Variants in HIVEP1 observed in about 807,000 individuals in gnomAD.
HIVEP1 encodes HIVEP zinc finger 1.
In HIVEP1, 36 loss-of-function variants were observed where a neutral mutation model predicts 180.0. The observed-to-expected ratio is 0.20, with a 90% confidence interval of 0.15 to 0.26. The LOEUF (loss-of-function observed/expected upper bound fraction) is 0.26, where lower values mean the gene tolerates loss of function less well. Among genes scored for constraint, HIVEP1 ranks in the 10% least tolerant of loss-of-function variants. The pLI, the probability that HIVEP1 is intolerant of heterozygous loss-of-function variation, is 1.00. For missense variants in HIVEP1, 3,143 were observed against 3,268.7 expected (o/e 0.96, Z 0.94); for synonymous variants, 1,239 against 1,239.0 (o/e 1.00, Z 0.00).
At chr6:12,040,920 C>T (rs1769642410) in intron 2 of HIVEP1, among the ~76,000 whole-genome samples, 1 of 152,158 alleles carries the variant, frequency 6.6e-6, no homozygotes, top group African/African-American at 2.4e-5. Context: ...AACCAGATCT[C>T]AGGAGAACTC....
chr6:12,090,640 C>T (rs552108257), intron 3 of HIVEP1, among the ~76,000 whole-genome samples: 2 of 151,462 alleles, frequency 1.3e-5, no homozygotes, highest in Admixed American at 1.3e-4. Context: ...CACCTTGTCC[C>T]TTTGAAGGGT....
intron 3 of HIVEP1, among the ~76,000 whole-genome samples, chr6:12,101,479 TCTCACTGGAATTAAGTTAATATAAAC>T (rs1032513600): frequency 3.3e-5 from 5 of 152,000 alleles, no homozygotes; most frequent in African/African-American, 4.8e-5. Flanking sequence ...TGTTGCCACA[TCTCACTGGAATTAAGTTAATATAAAC>T]CTCACTGGAA....
At chr6:12,106,630 T>G (rs1774450690) in intron 3 of HIVEP1, among the ~76,000 whole-genome samples, 2 of 152,220 alleles carry the variant, frequency 1.3e-5, no homozygotes, top group South Asian at 4.1e-4. Context: ...TTCTTATGGG[T>G]TCTCTAGGAG....
chr6:12,175,548 C>G, the HIVEP1 span, among the ~76,000 whole-genome samples: 1 of 152,208 alleles, frequency 6.6e-6, no homozygotes, highest in Non-Finnish European at 1.5e-5. Flanking sequence ...TTATGAAGCA[C>G]GTATCACATG....
intron 2 of HIVEP1, among the ~76,000 whole-genome samples, chr6:12,032,113 G>T (rs1581533444): frequency 6.6e-6 from 1 of 150,728 alleles, no homozygotes; most frequent in Non-Finnish European, 1.5e-5. Flanking sequence ...CCCTACTACT[G>T]ATGCAAATGT....
intron 3 of HIVEP1, among the ~76,000 whole-genome samples, chr6:12,118,278 ATAAG>A (rs914606775): frequency 5.3e-5 from 8 of 152,162 alleles, no homozygotes; most frequent in Non-Finnish European, 1.2e-4. Flanking sequence ...TTTATTCTCA[ATAAG>A]TAGTTATTAC....
chr6:12,189,502 G>A, the HIVEP1 span, among the ~76,000 whole-genome samples: 2 of 151,188 alleles, frequency 1.3e-5, no homozygotes, highest in Non-Finnish European at 2.9e-5. Flanking sequence ...GAAGAGACAT[G>A]TGAATGAATT....
chr6:12,038,329 C>T (rs1175990502), intron 2 of HIVEP1: 2 of 151,840 alleles, frequency 1.3e-5, no homozygotes, highest in Non-Finnish European at 1.5e-5. Context: ...AAAAGGGGTC[C>T]ATCAATTTGG....
At chr6:12,011,168 C>T (rs1348286711), upstream of HIVEP1, among the ~76,000 whole-genome samples, 2 of 152,170 alleles carry the variant, frequency 1.3e-5, no homozygotes, top group Non-Finnish European at 1.5e-5. Context: ...ACACCCTGCC[C>T]CCTCCGTTTT....
Position 12,163,545 on chromosome 6 carries a change from C to T in HIVEP1, c.7241C>T (p.Ser2414Phe). ...GTGGTACCTGCTGGCCTCACATACTCCACGTTTGTGCCCCTTCAGGCTGGA... is the reference window on the plus strand; with the variant it reads ...GTGGTACCTGCTGGCCTCACATACTTCACGTTTGTGCCCCTTCAGGCTGGA... ...IHVVPAGLTY[S>F]TFVPLQAGPV... Residue 2414 changes from serine (S) to phenylalanine (F), a missense_variant, in exon 9 of 9, where the codon TCC becomes TTC. This residue lies in a region of HIVEP1 where 595 missense variants were observed against 602.2 expected (regional missense o/e 0.99). Coordinates refer to ENST00000379388, the MANE Select transcript of HIVEP1 (RefSeq NM_002114.4). 1 of 1,614,196 alleles carries T rather than the reference C, an allele frequency of 6.2e-7. No individual in the cohort carries two copies. Among genetic ancestry groups the T allele is most frequent in the Non-Finnish European group, 8.5e-7 (1 of 1,180,034 alleles).
In HIVEP1 at chr6:12,123,710, T is replaced by C; in HGVS notation, c.3915T>C (p.Ser1305=). The C allele has an allele frequency of 6.8e-6, 11 of 1,613,900 alleles. No homozygotes were observed. Among genetic ancestry groups the C allele is most frequent in the Non-Finnish European group, 8.5e-6 (10 of 1,179,940 alleles). The change falls in exon 4 of 9, where the codon AGT becomes AGC. Residue 1305 remains serine (S), a synonymous_variant. Transcript: ENST00000379388. Reference sequence around the variant, plus strand: ...GCTTTGATTCCACTCTCTCCAGGAGTCTAAGTAGGGAGAGCAGTTTATCTC... The same window carrying C: ...GCTTTGATTCCACTCTCTCCAGGAGCCTAAGTAGGGAGAGCAGTTTATCTC... The part of the protein sequence containing the change: ...ESSFDSTLSR[S]LSRESSLSHT...
At position 12,156,402 on chromosome 6, in the gene HIVEP1, A is replaced by G. The variant is rs145606932; in HGVS notation, c.6488-5037A>G. 3.4e-3 allele frequency among the ~76,000 whole-genome samples: 521 copies of G among 152,194 alleles called. 12 individuals are homozygous for G. In the South Asian group the frequency reaches 0.042, roughly 12 times the overall value. ...TAAGTCTTTAATCCATCTTGAGTTA[A>G]TTTTTATATATATTGTAAAGAAGGG... On this transcript the variant is annotated intron_variant, in intron 7 of 8. Transcript: ENST00000379388.
At chr6:12,077,432 A>G (rs915972238) in intron 2 of HIVEP1, among the ~76,000 whole-genome samples, 3 of 152,198 alleles carry the variant, frequency 2.0e-5, no homozygotes, top group Admixed American at 2.0e-4. Context: ...GATCCTGGAC[A>G]GGAGCTCTGA....
the HIVEP1 span, among the ~76,000 whole-genome samples, chr6:12,185,052 G>C: frequency 2.1e-3 from 314 of 152,288 alleles, no homozygotes; most frequent in African/African-American, 7.3e-3. Flanking sequence ...CTAAATAACA[G>C]GTTTTGAATG....
At chr6:12,045,980 G>A (rs1249488619) in intron 2 of HIVEP1, among the ~76,000 whole-genome samples, 1 of 152,126 alleles carries the variant, frequency 6.6e-6, no homozygotes, top group African/African-American at 2.4e-5. Flanking sequence ...TTTTGTGAAT[G>A]AATGTGAGTC....
chr6:12,099,570 G>GA (rs1298723744), intron 3 of HIVEP1, among the ~76,000 whole-genome samples: 20 of 152,166 alleles, frequency 1.3e-4, no homozygotes, highest in South Asian at 6.2e-4. Flanking sequence ...TATATGTGAA[G>GA]AAAAAACGTG....
intron 3 of HIVEP1, among the ~76,000 whole-genome samples, chr6:12,119,041 G>A (rs145427673): frequency 2.7e-3 from 417 of 152,288 alleles, no homozygotes; most frequent in African/African-American, 9.6e-3. Context: ...TTGCTACCAA[G>A]CCAATCTAGG....
intron 6 of HIVEP1, among the ~76,000 whole-genome samples, chr6:12,135,232 A>C (rs1015822564): frequency 6.6e-6 from 1 of 152,182 alleles, no homozygotes; most frequent in Non-Finnish European, 1.5e-5. Flanking sequence ...AAACAAAAAA[A>C]CTGGCCCAGA....
chr6:12,161,396 T>G, intron 7 of HIVEP1, 43 bp from the exon 8 acceptor site: 1 of 1,564,184 alleles, frequency 6.4e-7, no homozygotes, highest in Non-Finnish European at 8.7e-7. Flanking sequence ...ACTTGTGCAC[T>G]TGGAAAGCAT....
Sources: allele counts gnomAD v4.1 joint callset (sites outside exome capture counted in the v4.1 genomes callset), GRCh38; gene constraint gnomAD v4.1.1; regional missense constraint gnomAD v4.1.1; transcripts MANE v1.5; gene names NCBI Gene and HGNC (gene_info 2026-07-23, HGNC 2026-07-21).